ATP10A: variants seen among roughly 807,000 people sequenced by gnomAD.
ATP10A encodes ATPase phospholipid transporting 10A (putative).
Under a neutral mutation model 147.8 loss-of-function variants are expected in ATP10A, and 111 were observed. The ratio of observed to expected loss-of-function variants is 0.75; its 90% confidence interval spans 0.64 to 0.88. The LOEUF (loss-of-function observed/expected upper bound fraction) is 0.88. Ranked by LOEUF, ATP10A falls within the 40% of genes least tolerant of loss-of-function variation. The probability of loss-of-function intolerance (pLI) is 0.00; values close to 1 mark genes in which losing one functional copy is unlikely to be tolerated. For missense variants in ATP10A, 1,927 were observed against 1,959.0 expected, an observed-to-expected ratio of 0.98 and a Z score of 0.31; for synonymous variants, 875 against 841.6, an observed-to-expected ratio of 1.04 and a Z score of -0.69.
intron 2 of ATP10A, among the ~76,000 whole-genome samples, chr15:25,761,375 C>A (rs1468851930): frequency 6.6e-6 from 1 of 152,216 alleles, no homozygotes; most frequent in East Asian, 1.9e-4. Flanking sequence ...TCACACTTAC[C>A]ACAGAGTCCC....
Position 25,707,959 on chromosome 15 carries a change from A to G in ATP10A, c.2575+17T>C. On this transcript the variant is annotated intron_variant, in intron 12 of 20. Coordinates refer to ENST00000555815, the MANE Select transcript of ATP10A (RefSeq NM_024490.4). ...ACTCCACACTGCCCTTAGGCATGCG[A>G]CTCTCAAGTTAATTACCTAACAAGT... 6.2e-7 allele frequency: 1 copy of G among 1,613,024 alleles called. No individual in the cohort carries two copies. Among genetic ancestry groups the G allele is most frequent in the Non-Finnish European group, 8.5e-7 (1 of 1,179,182 alleles).
In ATP10A at chr15:25,847,609, C is replaced by CTTTTTTTTTTTTTTTTT. The variant is rs34212354; in HGVS notation, c.449+15022_449+15038dup. On this transcript the variant is annotated intron_variant, in intron 1 of 20. Coordinates refer to ENST00000555815, the MANE Select transcript of ATP10A (RefSeq NM_024490.4). ...CCTAGCTAATTCAAACAGCTACAGC[C>CTTTTTTTTTTTTTTTTT]TTTTTTTTTTTTTTTTTTTTTTTTT... is the stretch of plus-strand genomic sequence containing the variant. Among the ~76,000 whole-genome samples, 3 of 40,688 alleles carry CTTTTTTTTTTTTTTTTT rather than the reference C, an allele frequency of 7.4e-5. 1 individual carries two copies. The highest frequency in any genetic ancestry group is 1.5e-4 in the Non-Finnish European group (3 of 19,912). 26.7% of individuals were successfully genotyped at this position (40,688 alleles called of 152,430 possible).
At chr15:25,762,782 G>A (rs947657460) in intron 2 of ATP10A, among the ~76,000 whole-genome samples, 2 of 152,046 alleles carry the variant, frequency 1.3e-5, no homozygotes, top group Admixed American at 6.5e-5. Context: ...GTTTTGCTAC[G>A]TTGCCCAGGC....
intron 10 of ATP10A, 66 bp from the exon 11 acceptor site, chr15:25,708,366 CCGAGATTTACCCCA>C (rs1240950180): frequency 7.3e-7 from 1 of 1,375,992 alleles, no homozygotes; most frequent in Non-Finnish European, 1.0e-6. Context: ...TTCAGACACT[CCGAGATTTACCCCA>C]CGTCTGTTCG....
chr15:25,785,693 C>T (rs575249348), intron 1 of ATP10A, among the ~76,000 whole-genome samples: 4 of 152,178 alleles, frequency 2.6e-5, no homozygotes, highest in African/African-American at 9.6e-5. Context: ...ACTCTTAATA[C>T]CAGCCACTCA....
intron 2 of ATP10A, chr15:25,738,615 T>C (rs1887417828): frequency 6.6e-6 from 1 of 152,194 alleles, no homozygotes; most frequent in South Asian, 2.1e-4. Context: ...TAAGTGGATA[T>C]AAACCAACTC....
intron 17 of ATP10A, among the ~76,000 whole-genome samples, chr15:25,682,764 C>T (rs1437129526): frequency 1.3e-5 from 2 of 152,232 alleles, no homozygotes; most frequent in African/African-American, 4.8e-5. Context: ...AGAAATGAGA[C>T]TCCATGTTCT....
At chr15:25,861,531 G>C (rs1464188520) in intron 1 of ATP10A, among the ~76,000 whole-genome samples, 1 of 152,188 alleles carries the variant, frequency 6.6e-6, no homozygotes, top group East Asian at 1.9e-4. Flanking sequence ...CAAGCTATGA[G>C]TGCCTGTGTC....
intron 10 of ATP10A, among the ~76,000 whole-genome samples, chr15:25,712,736 A>G (rs1333958921): frequency 6.6e-6 from 1 of 152,034 alleles, no homozygotes; most frequent in African/African-American, 2.4e-5. Flanking sequence ...GGTGGTCATC[A>G]TCATGGAAGG....
rs1597015898 is a variant in ATP10A, at chr15:25,862,710, C to T, written c.387G>A (p.Glu129=). Residue 129 remains glutamate (E), a synonymous_variant, in exon 1 of 21, where the codon GAG becomes GAA. Transcript: ENST00000555815. Reference sequence around the variant, plus strand: ...GGTCGGAGCGGTGGCGGCTGTAGTCCTCCCACAGGTCCCTGAAGGCCGTGA... The same window carrying T: ...GGTCGGAGCGGTGGCGGCTGTAGTCTTCCCACAGGTCCCTGAAGGCCGTGA... ...LAITAFRDLW[E]DYSRHRSDHK... 6.2e-7 allele frequency: 1 copy of T among 1,611,024 alleles called. No individual in the cohort carries two copies.
intron 1 of ATP10A, among the ~76,000 whole-genome samples, chr15:25,794,212 T>C (rs1890560226): frequency 6.6e-6 from 1 of 152,180 alleles, no homozygotes; most frequent in Admixed American, 6.5e-5. Flanking sequence ...CAGATGTGCC[T>C]TTCCCTGAGG....
At chr15:25,804,873 A>G (rs1266162958) in intron 1 of ATP10A, among the ~76,000 whole-genome samples, 5 of 152,266 alleles carry the variant, frequency 3.3e-5, no homozygotes, top group Non-Finnish European at 5.9e-5. Context: ...TAGAAGTAAA[A>G]AATAAAATAT....
At chr15:25,780,939 G>T in intron 2 of ATP10A, 80 bp downstream of exon 2, 1 of 1,443,170 alleles carries the variant, frequency 6.9e-7, no homozygotes, top group South Asian at 1.2e-5. Flanking sequence ...AAATGCAGGT[G>T]CTCTGAGCCC....
chr15:25,732,049 T>G (rs1886968079), intron 3 of ATP10A, among the ~76,000 whole-genome samples: 1 of 152,062 alleles, frequency 6.6e-6, no homozygotes, highest in East Asian at 1.9e-4. Flanking sequence ...TGTGTGTGAT[T>G]TTTGTAGAGA....
chr15:25,679,286 C>T lies in ATP10A; in HGVS notation c.*55G>A. The T allele has an allele frequency of 8.6e-7, 1 of 1,166,978 alleles. No homozygotes were observed. The highest frequency in any genetic ancestry group is 1.1e-6 in the Non-Finnish European group (1 of 915,502). 72.3% of individuals were successfully genotyped at this position (1,166,978 alleles called of 1,614,324 possible). On this transcript the variant is annotated 3_prime_UTR_variant, in exon 21 of 21. Coordinates refer to ENST00000555815, the MANE Select transcript of ATP10A (RefSeq NM_024490.4). ...AGAACTCTTCTGTGCAAATAATAAA[C>T]ATAAATAATATTAACATTTATTTAT...
chr15:25,755,751 C>T (rs906985756), intron 2 of ATP10A, among the ~76,000 whole-genome samples: 2 of 152,172 alleles, frequency 1.3e-5, no homozygotes, highest in African/African-American at 4.8e-5. Context: ...CATTAGTAGC[C>T]TCTACCCCCT....
intron 2 of ATP10A, among the ~76,000 whole-genome samples, chr15:25,753,014 A>C (rs1888233264): frequency 6.6e-6 from 1 of 152,170 alleles, no homozygotes; most frequent in South Asian, 2.1e-4. Context: ...TAATGGTATA[A>C]TTTGTGAATA....
At chr15:25,711,069 C>A (rs1901386945) in intron 10 of ATP10A, among the ~76,000 whole-genome samples, 2 of 152,064 alleles carry the variant, frequency 1.3e-5, no homozygotes, top group African/African-American at 2.4e-5. Context: ...AAGTGTAGAC[C>A]TGGGATTTGA....
At chr15:25,702,864 G>A (rs1200465156) in intron 12 of ATP10A, among the ~76,000 whole-genome samples, 1 of 151,858 alleles carries the variant, frequency 6.6e-6, no homozygotes, top group Non-Finnish European at 1.5e-5. Flanking sequence ...CCTGACTGAG[G>A]CTCCTTTACT....
Sources: gnomAD v4.1 joint callset for allele counts (sites outside exome capture counted in the v4.1 genomes callset) on GRCh38, gnomAD v4.1.1 for gene constraint, MANE v1.5 for transcripts, NCBI Gene and HGNC (gene_info 2026-07-23, HGNC 2026-07-21) for gene names.